The following NHSL1 variants were observed in gnomAD, a reference collection of about 807,000 sequenced individuals.
NHSL1 encodes NHS-like protein 1.
Under a neutral mutation model 95.0 loss-of-function variants are expected in NHSL1, and 48 were observed. That is an observed-to-expected ratio of 0.51 (90% CI 0.40 to 0.64). The LOEUF is 0.64. Among genes scored for constraint, NHSL1 ranks in the 30% least tolerant of loss-of-function variants. The pLI, the probability that NHSL1 is intolerant of heterozygous loss-of-function variation, is 0.00. For synonymous variants in NHSL1, 783 were observed against 833.9 expected, an observed-to-expected ratio of 0.94 and a Z score of 1.05; for missense variants, 1,971 against 2,077.7, an observed-to-expected ratio of 0.95 and a Z score of 1.00.
intron 3 of NHSL1, among the ~76,000 whole-genome samples, chr6:138,464,994 T>C (rs1778264710): frequency 1.3e-5 from 2 of 150,412 alleles, no homozygotes; most frequent in Admixed American, 6.7e-5. Context: ...ATTACAGGCA[T>C]GAGCCACCTT....
intron 1 of NHSL1, among the ~76,000 whole-genome samples, chr6:138,677,517 G>A (rs921900830): frequency 2.0e-5 from 3 of 152,100 alleles, no homozygotes; most frequent in Admixed American, 6.5e-5. Flanking sequence ...AAGAACAAAC[G>A]GGTGCTTAAA....
chr6:138,523,050 G>C (rs1045851465), intron 1 of NHSL1, among the ~76,000 whole-genome samples: 1 of 144,630 alleles, frequency 6.9e-6, no homozygotes, highest in African/African-American at 2.6e-5. Flanking sequence ...TGATCTCTCT[G>C]TATAACATTC....
chr6:138,437,365 T>TACAC (rs1554222042), intron 5 of NHSL1, among the ~76,000 whole-genome samples: 2 of 91,150 alleles, frequency 2.2e-5, no homozygotes, highest in Non-Finnish European at 4.0e-5. Context: ...TACACATATA[T>TACAC]ATATATACAC....
intron 4 of NHSL1, among the ~76,000 whole-genome samples, chr6:138,443,773 T>G (rs1776682721): frequency 6.6e-6 from 1 of 152,178 alleles, no homozygotes; most frequent in African/African-American, 2.4e-5. Flanking sequence ...GAGGTTGCAG[T>G]GAGCCGAGAT....
intron 1 of NHSL1, among the ~76,000 whole-genome samples, chr6:138,603,005 A>T (rs1000170595): frequency 5.9e-5 from 9 of 152,192 alleles, no homozygotes; most frequent in African/African-American, 1.9e-4. Flanking sequence ...ACAAACAGAG[A>T]AATTACATTA....
upstream of NHSL1, among the ~76,000 whole-genome samples, chr6:138,549,657 G>A (rs1188482089): frequency 1.3e-5 from 2 of 152,142 alleles, no homozygotes; most frequent in African/African-American, 2.4e-5. Context: ...TGACTCTAGG[G>A]AACTTATACA....
intron 1 of NHSL1, among the ~76,000 whole-genome samples, chr6:138,651,523 C>T (rs76651932): frequency 0.18 from 27,389 of 152,178 alleles, 2,572 homozygotes; most frequent in South Asian, 0.25. Flanking sequence ...TCACCTAACC[C>T]TAACCTTGTC....
chr6:138,656,866 A>G (rs575397411), intron 1 of NHSL1, among the ~76,000 whole-genome samples: 42 of 152,318 alleles, frequency 2.8e-4, no homozygotes, highest in African/African-American at 9.9e-4. Context: ...TGGAATGTCA[A>G]TTTTATTTAG....
rs138073321 is a variant in NHSL1 at position 138,448,354 on chromosome 6, T to C, written c.340-1161A>G. Among the ~76,000 whole-genome samples the C allele has an allele frequency of 8.6e-3, 1,313 of 152,260 alleles. 16 individuals carry two copies. Among genetic ancestry groups the C allele is most frequent in the African/African-American group, 0.029 (1,212 of 41,552 alleles). ...ATGACAGCTTATAATATAAAATAAA[T>C]GTGTAATAACTGCTCTTTAAGTCCG... On this transcript the variant is annotated intron_variant, in intron 3 of 7. Transcript: ENST00000343505.
intron 1 of NHSL1, among the ~76,000 whole-genome samples, chr6:138,523,024 C>G (rs1453557567): frequency 6.6e-6 from 1 of 151,698 alleles, no homozygotes; most frequent in South Asian, 2.1e-4. Context: ...TCTGTCCCCC[C>G]ACCCCCACCC....
chr6:138,441,379 G>A (rs1478246894), intron 5 of NHSL1, among the ~76,000 whole-genome samples: 1 of 151,998 alleles, frequency 6.6e-6, no homozygotes, highest in Non-Finnish European at 1.5e-5. Flanking sequence ...AAACAAAATG[G>A]GTAAGTAATT....
chr6:138,608,388 T>C (rs992939526), intron 1 of NHSL1, among the ~76,000 whole-genome samples: 21 of 152,174 alleles, frequency 1.4e-4, no homozygotes, highest in Non-Finnish European at 2.4e-4. Flanking sequence ...ACAGTTGGCC[T>C]TGGAAGAAAT....
In NHSL1 at chr6:138,431,961, T is replaced by G. The variant is rs1275394469; in HGVS notation, c.2384A>C (p.Asn795Thr). ...GCTGGTTGAACAGCCCCCTGCCGGG[T>G]TCCCCGGATCTTCCTGCATGCCCGT... ...DYTGMQEDPG[N>T]PAGGCSTSSG... Residue 795 changes from asparagine (N) to threonine (T), a missense_variant, in exon 6 of 8, where the codon AAC (asparagine) becomes ACC (threonine). By Grantham distance (65) the Asn-to-Thr change is moderately conservative. This residue lies in a region of NHSL1 where 1,602 missense variants were observed against 1,654.5 expected (regional missense o/e 0.97). Coordinates refer to ENST00000343505, the MANE Select transcript of NHSL1 (RefSeq NM_001144060.2). The surrounding 1 kb of genome is among the most constrained non-coding windows in gnomAD (Gnocchi z 4.0). 1.3e-6 allele frequency: 2 copies of G among 1,551,576 alleles called. No individual in the cohort carries two copies. The highest frequency in any genetic ancestry group is 2.7e-5 in the African/African-American group (2 of 73,050).
At chr6:138,610,543 A>AC (rs1784496699) in intron 1 of NHSL1, among the ~76,000 whole-genome samples, 2 of 111,552 alleles carry the variant, frequency 1.8e-5, no homozygotes, top group African/African-American at 1.1e-4. Context: ...GTATAATAAT[A>AC]AAAAAATATA....
chr6:138,684,395 C>T (rs755521932), intron 1 of NHSL1, among the ~76,000 whole-genome samples: 1 of 152,104 alleles, frequency 6.6e-6, no homozygotes. Context: ...AGCCTGTAAT[C>T]CCAGCACTTT....
chr6:138,612,919 CA>C (rs1441385224), intron 1 of NHSL1, among the ~76,000 whole-genome samples: 1 of 152,086 alleles, frequency 6.6e-6, no homozygotes, highest in East Asian at 1.9e-4. Flanking sequence ...ATGGAGATAC[CA>C]CTTTTAGTCT....
intron 1 of NHSL1, among the ~76,000 whole-genome samples, chr6:138,668,758 G>A (rs1785328049): frequency 6.6e-6 from 1 of 151,592 alleles, no homozygotes; most frequent in South Asian, 2.1e-4. Flanking sequence ...CGCGTAGCTG[G>A]GACTACAGGC....
chr6:138,669,710 G>A (rs988132985), intron 1 of NHSL1, among the ~76,000 whole-genome samples: 3 of 152,176 alleles, frequency 2.0e-5, no homozygotes, highest in African/African-American at 7.2e-5. Flanking sequence ...TGAATGCTGA[G>A]ACCCAGGCTT....
At chr6:138,572,360 G>T (rs1320447869) in exon 1 of NHSL1, 2 of 155,446 alleles carry the variant, frequency 1.3e-5, no homozygotes, top group Non-Finnish European at 2.8e-5. Context: ...CAGAAAGCCA[G>T]CTGCCCTGGT....
Sources: allele counts gnomAD v4.1 joint callset (sites outside exome capture counted in the v4.1 genomes callset), GRCh38; gene constraint gnomAD v4.1.1; regional missense constraint gnomAD v4.1.1; non-coding constraint Gnocchi (gnomAD v3.1); transcripts MANE v1.5; gene names NCBI Gene and HGNC (gene_info 2026-07-23, HGNC 2026-07-21).